The following PFKFB1 variants were observed in gnomAD, a reference collection of about 807,000 sequenced individuals.
The protein encoded by PFKFB1 is 6-phosphofructo-2-kinase/fructose-2,6-bisphosphatase 1.
In PFKFB1, 34 loss-of-function variants were observed where a neutral mutation model predicts 46.4. That is an observed-to-expected ratio of 0.73 (90% confidence interval 0.56 to 0.98). The LOEUF is 0.98. Among genes scored for constraint, PFKFB1 ranks in the 50% least tolerant of loss-of-function variants. PFKFB1 has a pLI of 0.00. For synonymous variants in PFKFB1, 119 were observed against 133.8 expected (o/e 0.89, Z 0.76); for missense variants, 393 against 376.3 (o/e 1.04, Z -0.37).
chrX:54,954,664 T>C (rs1181593082), intron 7 of PFKFB1, among the ~76,000 whole-genome samples: 1 of 112,283 alleles, frequency 8.9e-6, no homozygotes, highest in Non-Finnish European at 1.9e-5. Context: ...GACTGGGTCC[T>C]ATGTTCCTAC....
At chrX:54,936,932 G>A (rs1933418063) in intron 11 of PFKFB1, among the ~76,000 whole-genome samples, 1 of 110,948 alleles carries the variant, frequency 9.0e-6, no homozygotes, top group Admixed American at 9.6e-5. Context: ...CATCCACATT[G>A]GAAATGGAAT....
intron 1 of PFKFB1, among the ~76,000 whole-genome samples, chrX:54,969,180 G>A (rs758383862): frequency 5.0e-4 from 56 of 111,278 alleles, no homozygotes; most frequent in Admixed American, 9.6e-4. Flanking sequence ...ACAGTATTGA[G>A]AGGTGGGACC....
rs772606041 is a variant in PFKFB1, at chrX:54,993,995, T to A, written c.13A>T (p.Met5Leu). 2 of 1,202,313 alleles carry A rather than the reference T, an allele frequency of 1.7e-6. No individual in the cohort carries two copies. Among genetic ancestry groups the A allele is most frequent in the African/African-American group, 3.5e-5 (2 of 56,994 alleles). The change falls in exon 1 of 14, where the codon ATG becomes TTG. Residue 5 changes from methionine to leucine, a missense_variant. By Grantham distance (15) the Met-to-Leu change is conservative. Coordinates refer to ENST00000375006, the MANE Select transcript of PFKFB1 (RefSeq NM_002625.4). MSPE[M>L]GELTQTRLQK... ...AACCTGGTTTGGGTGAGCTCTCCCA[T>A]CTCTGGAGACATCTTAGGAGTCGCA...
chrX:54,942,419 C>T lies in PFKFB1; in HGVS notation c.1098+3020G>A, dbSNP rs1254386192. ...AAAAAATCCTGTAAGAATTTATAACCACCAGACTTCCCTCAGGTGGGCTGG... is the reference window on the plus strand; with the variant it reads ...AAAAAATCCTGTAAGAATTTATAACTACCAGACTTCCCTCAGGTGGGCTGG... On this transcript the variant is annotated intron_variant, in intron 10 of 13. Coordinates refer to ENST00000375006, the MANE Select transcript of PFKFB1 (RefSeq NM_002625.4). Among the ~76,000 whole-genome samples, 4 of 111,747 alleles carry T rather than the reference C, an allele frequency of 3.6e-5. No homozygotes were observed. The East Asian group carries it at 1.1e-3, about 31-fold the overall frequency.
intron 1 of PFKFB1, among the ~76,000 whole-genome samples, chrX:54,990,885 C>A (rs934335557): frequency 8.9e-6 from 1 of 111,891 alleles, no homozygotes; most frequent in Non-Finnish European, 1.9e-5. Flanking sequence ...TAATAAAATT[C>A]AATATTCATT....
intron 2 of PFKFB1, among the ~76,000 whole-genome samples, chrX:54,962,734 T>C (rs932315790): frequency 7.2e-5 from 8 of 111,606 alleles, no homozygotes; most frequent in Non-Finnish European, 1.3e-4. Flanking sequence ...ATGGGATTCT[T>C]TTCTCTTCCA....
chrX:54,998,261 T>C (rs1307155388), upstream of PFKFB1: 1 of 493,557 alleles, frequency 2.0e-6, no homozygotes, highest in Admixed American at 3.1e-5. Flanking sequence ...AGGTTACATA[T>C]AGATATAATC....
At chrX:54,957,153 G>A (rs1176940042) in intron 6 of PFKFB1, among the ~76,000 whole-genome samples, 1 of 111,485 alleles carries the variant, frequency 9.0e-6, no homozygotes, top group Non-Finnish European at 1.9e-5. Context: ...CACACATTTG[G>A]CTTTAGCCAA....
At position 54,947,840 on chromosome X, in the gene PFKFB1, A is replaced by G. The variant is rs960512650; in HGVS notation, c.993+1235T>C. Among the ~76,000 whole-genome samples, 4 of 111,057 alleles carry G rather than the reference A, an allele frequency of 3.6e-5. No individual in the cohort carries two copies. In the South Asian group the frequency reaches 1.5e-3, roughly 43 times the overall value. ...AACCTGACCCTGAAGAGAGACTGCT[A>G]TACCACCAGGGTTGGGTCCTTCATG... On this transcript the variant is annotated intron_variant, in intron 9 of 13. Transcript: ENST00000375006.
At chrX:54,947,519 T>C (rs1933841776) in intron 9 of PFKFB1, among the ~76,000 whole-genome samples, 1 of 112,590 alleles carries the variant, frequency 8.9e-6, no homozygotes. Context: ...CAAATGTATG[T>C]GGTATACAGA....
intron 12 of PFKFB1, among the ~76,000 whole-genome samples, chrX:54,934,572 C>G (rs1933324827): frequency 8.9e-6 from 1 of 111,752 alleles, no homozygotes; most frequent in Non-Finnish European, 1.9e-5. Flanking sequence ...TGTTCATGAA[C>G]CTTTCATAGC....
chrX:54,941,550 A>G (rs773201971), intron 10 of PFKFB1, among the ~76,000 whole-genome samples: 53 of 112,282 alleles, frequency 4.7e-4, no homozygotes, highest in African/African-American at 1.7e-3. Context: ...TTACAAGAAA[A>G]AAACAAACAA....
intron 10 of PFKFB1, among the ~76,000 whole-genome samples, chrX:54,939,458 T>G (rs767869899): frequency 1.8e-5 from 2 of 111,210 alleles, no homozygotes; most frequent in East Asian, 5.6e-4. Context: ...CCAGGAGCTG[T>G]TTTTTTGAAA....
chrX:54,956,238 C>A lies in PFKFB1; in HGVS notation c.553G>T (p.Asp185Tyr), dbSNP rs781578516. 8.3e-7 allele frequency: 1 copy of A among 1,211,477 alleles called. No individual in the cohort carries two copies. The highest frequency in any genetic ancestry group is 1.1e-6 in the Non-Finnish European group (1 of 895,260). The stretch of plus-strand genomic sequence containing the variant: ...AAGTCTTCCAGAACCTTTTCCCGGT[C>A]ACAGTCTATATAATCAGGGCTGCCA... ...KLGSPDYIDC[D>Y]REKVLEDFLK... The change falls in exon 7 of 14, where the codon GAC becomes TAC. Residue 185 changes from aspartate (D) to tyrosine (Y), a missense_variant. Coordinates refer to ENST00000375006, the MANE Select transcript of PFKFB1 (RefSeq NM_002625.4).
At chrX:54,972,439 A>T (rs1306223806) in intron 1 of PFKFB1, among the ~76,000 whole-genome samples, 1 of 109,936 alleles carries the variant, frequency 9.1e-6, no homozygotes, top group Non-Finnish European at 1.9e-5. Flanking sequence ...GAATGCTTCC[A>T]GTTTTTGCCC....
At chrX:54,971,998 T>G (rs1934679098) in intron 1 of PFKFB1, among the ~76,000 whole-genome samples, 1 of 111,556 alleles carries the variant, frequency 9.0e-6, no homozygotes, top group African/African-American at 3.3e-5. Flanking sequence ...TTTGTTTGTG[T>G]CCTCTTTTAT....
At chrX:54,945,715 T>TGC (rs370319069) in intron 9 of PFKFB1, among the ~76,000 whole-genome samples, 172 bp from the exon 10 acceptor site, 2 of 105,578 alleles carry the variant, frequency 1.9e-5, no homozygotes, top group African/African-American at 7.4e-5. Context: ...TGTGTGTGTG[T>TGC]GTGTGCGTGT....
chrX:54,949,968 G>A (rs1933922106), intron 8 of PFKFB1, among the ~76,000 whole-genome samples: 1 of 111,924 alleles, frequency 8.9e-6, no homozygotes, highest in Non-Finnish European at 1.9e-5. Context: ...GAGTGTTCGT[G>A]GCCCTGTGCT....
chrX:54,973,957 G>T (rs1219443217), intron 1 of PFKFB1, among the ~76,000 whole-genome samples: 1 of 111,271 alleles, frequency 9.0e-6, no homozygotes, highest in African/African-American at 3.3e-5. Flanking sequence ...ATTACAAAAT[G>T]TTGTTAAAAA....
Sources: gnomAD v4.1 joint callset for allele counts (sites outside exome capture counted in the v4.1 genomes callset) on GRCh38, gnomAD v4.1.1 for gene constraint, MANE v1.5 for transcripts, NCBI Gene and HGNC (gene_info 2026-07-23, HGNC 2026-07-21) for gene names.